ARHGEF33: variants seen among roughly 807,000 people sequenced by gnomAD.
ARHGEF33 encodes the protein Rho guanine nucleotide exchange factor 33, also known as DH and coiled-coil domain-containing protein ENSP00000381780.
ARHGEF33 carries 72 observed loss-of-function variants against 101.9 expected under a neutral mutation model. That is an observed-to-expected ratio of 0.71 (90% CI 0.58 to 0.86). The LOEUF (loss-of-function observed/expected upper bound fraction) is 0.86. Ranked by LOEUF, ARHGEF33 falls within the 40% of genes least tolerant of loss-of-function variation. The pLI is 0.00. For synonymous variants in ARHGEF33, 499 were observed against 442.5 expected (o/e 1.13, Z -1.60); for missense variants, 1,169 against 1,111.3 (o/e 1.05, Z -0.74).
intron 4 of ARHGEF33, among the ~76,000 whole-genome samples, chr2:38,922,270 G>C (rs1049083753): frequency 1.3e-5 from 2 of 152,148 alleles, no homozygotes; most frequent in South Asian, 2.1e-4. Context: ...ACAGAGCTTG[G>C]TGGGGGTTGG....
At chr2:38,896,468 A>G (rs2124977119) in intron 2 of ARHGEF33, among the ~76,000 whole-genome samples, 1 of 152,250 alleles carries the variant, frequency 6.6e-6, no homozygotes, top group Admixed American at 6.5e-5. Context: ...TCTATTTTGG[A>G]TGTCTTTGAT....
chr2:38,944,028 AAGG>A lies in ARHGEF33; in HGVS notation c.919_920+1del, dbSNP rs1667378087. 6.5e-7 allele frequency: 1 copy of A among 1,549,824 alleles called. No individual in the cohort carries two copies. On this transcript the variant is annotated splice_donor_variant and coding_sequence_variant, in exon 10 of 18. Transcript: ENST00000409978. LOFTEE classifies it high-confidence loss of function. The stretch of plus-strand genomic sequence containing the variant: ...ATGGAAAGAGGAATTCCAAAGAGAG[AAGG>A]TATCCATGCACTCATTGCCTTTGCT...
chr2:38,907,626 G>A (rs1186792913), intron 2 of ARHGEF33, among the ~76,000 whole-genome samples: 1 of 152,130 alleles, frequency 6.6e-6, no homozygotes, highest in East Asian at 1.9e-4. Flanking sequence ...CCATGTTAAT[G>A]TACCCCTCTG....
chr2:38,966,228 A>G lies in ARHGEF33; in HGVS notation c.2483+83A>G, dbSNP rs1668049821. 6 of 1,478,194 alleles carry G rather than the reference A, an allele frequency of 4.1e-6. No individual in the cohort carries two copies. In the African/African-American group the frequency reaches 7.1e-5, roughly 17 times the overall value. 91.6% of individuals were successfully genotyped at this position (1,478,194 alleles called of 1,614,324 possible). On this transcript the variant is annotated intron_variant, in intron 17 of 17. Coordinates refer to ENST00000409978, the MANE Select transcript of ARHGEF33 (RefSeq NM_001145451.5). ...GAGGTTTTAACAATAATAAGTATCA[A>G]GTAGCCTGGTCTCACACAACTGCTT...
chr2:38,943,290 A>G (rs1667359939), intron 9 of ARHGEF33, among the ~76,000 whole-genome samples: 1 of 152,082 alleles, frequency 6.6e-6, no homozygotes, highest in African/African-American at 2.4e-5. Flanking sequence ...TCAGTTTCTC[A>G]AGTGGAAGAC....
Position 38,960,459 on chromosome 2 carries a change from C to G in ARHGEF33, c.2154C>G (p.Ala718=). 2.0e-6 allele frequency: 3 copies of G among 1,493,624 alleles called. No homozygotes were observed. The highest frequency in any genetic ancestry group is 2.7e-6 in the Non-Finnish European group (3 of 1,128,086). 92.5% of individuals were successfully genotyped at this position (1,493,624 alleles called of 1,614,324 possible). A position where few individuals can be genotyped will look rare whatever the true frequency, so the allele number is the denominator to read the frequency against. ...AAGAGTTCCCGCGTGCGCCGCCAGC[C>G]GACGGCGTGGCCCCACGCCTCTACA... ...SLKEFPRAPP[A]DGVAPRLYST... The change falls in exon 16 of 18, where the codon GCC becomes GCG. Residue 718 remains alanine, a synonymous_variant. Coordinates refer to ENST00000409978, the MANE Select transcript of ARHGEF33 (RefSeq NM_001145451.5).
intron 11 of ARHGEF33, among the ~76,000 whole-genome samples, chr2:38,952,167 C>G (rs1370513678): frequency 6.6e-6 from 1 of 152,232 alleles, no homozygotes; most frequent in African/African-American, 2.4e-5. Context: ...AATTGGTCTG[C>G]AAGCCAGACT....
intron 2 of ARHGEF33, among the ~76,000 whole-genome samples, chr2:38,916,495 T>C (rs1044690105): frequency 1.3e-5 from 2 of 152,184 alleles, no homozygotes; most frequent in Admixed American, 1.3e-4. Flanking sequence ...GAGAAGAAAG[T>C]TTTCGTCTTA....
At chr2:38,890,960 T>TAC (rs1665982378) in intron 1 of ARHGEF33, among the ~76,000 whole-genome samples, 1 of 140,742 alleles carries the variant, frequency 7.1e-6, no homozygotes, top group Non-Finnish European at 1.5e-5. Context: ...AAGATGACCA[T>TAC]ACTATTGGTT....
intron 4 of ARHGEF33, among the ~76,000 whole-genome samples, chr2:38,926,862 G>A (rs1034898977): frequency 6.6e-6 from 1 of 151,986 alleles, no homozygotes; most frequent in Admixed American, 6.6e-5. Flanking sequence ...TAAGAAGAAT[G>A]TCAGCTTTCC....
intron 11 of ARHGEF33, among the ~76,000 whole-genome samples, 168 bp from the exon 12 acceptor site, chr2:38,952,994 T>G (rs1462041960): frequency 6.6e-6 from 1 of 152,208 alleles, no homozygotes; most frequent in Non-Finnish European, 1.5e-5. Context: ...CCACCGCGCC[T>G]TATCTAAGAT....
intron 4 of ARHGEF33, among the ~76,000 whole-genome samples, chr2:38,924,339 A>G (rs1442805814): frequency 6.6e-6 from 1 of 152,164 alleles, no homozygotes; most frequent in Non-Finnish European, 1.5e-5. Context: ...TCCTTTGTCC[A>G]CTGCACATAC....
At chr2:38,971,211 T>G (rs1668158225) in intron 17 of ARHGEF33, among the ~76,000 whole-genome samples, 1 of 152,224 alleles carries the variant, frequency 6.6e-6, no homozygotes, top group African/African-American at 2.4e-5. Flanking sequence ...AAAGGTTTAT[T>G]TATAGCAAAT....
intron 2 of ARHGEF33, among the ~76,000 whole-genome samples, chr2:38,908,356 A>T (rs1423718179): frequency 6.6e-6 from 1 of 152,226 alleles, no homozygotes; most frequent in Non-Finnish European, 1.5e-5. Context: ...CAAGTATTAA[A>T]ATGAGTCAGA....
At chr2:38,947,509 C>T (rs1667481483) in intron 10 of ARHGEF33, among the ~76,000 whole-genome samples, 1 of 152,240 alleles carries the variant, frequency 6.6e-6, no homozygotes, top group Admixed American at 6.5e-5. Context: ...CCCACCTCAG[C>T]ATCCCCAGCT....
At chr2:38,940,159 T>A (rs565867645) in intron 9 of ARHGEF33, among the ~76,000 whole-genome samples, 97 of 152,364 alleles carry the variant, frequency 6.4e-4, no homozygotes, top group African/African-American at 2.2e-3. Flanking sequence ...GTAATTGACA[T>A]CTTGACAGTA....
rs1266315838 is a variant in ARHGEF33, at chr2:38,911,117, C to T, written c.-85-8246C>T. Among the ~76,000 whole-genome samples the T allele has an allele frequency of 3.9e-5, 6 of 151,952 alleles. No individual in the cohort carries two copies. In the East Asian group the frequency reaches 1.2e-3, roughly 29 times the overall value. On this transcript the variant is annotated intron_variant, in intron 2 of 17. Transcript: ENST00000409978. Reference sequence around the variant, plus strand: ...GCATGAACAAACAGGGTGTTACTGTCACAAAATAATGTTGCTTTTAGGCTC... The same window carrying T: ...GCATGAACAAACAGGGTGTTACTGTTACAAAATAATGTTGCTTTTAGGCTC...
intron 16 of ARHGEF33, 100 bp from the exon 17 acceptor site, chr2:38,965,906 T>C (rs757013179): frequency 5.4e-5 from 76 of 1,416,230 alleles, no homozygotes; most frequent in Non-Finnish European, 6.0e-5. Context: ...TCTTTTGGCA[T>C]GGGAGAGGAA....
chr2:38,942,108 G>C (rs1262030664), intron 9 of ARHGEF33, among the ~76,000 whole-genome samples: 1 of 146,348 alleles, frequency 6.8e-6, no homozygotes, highest in Non-Finnish European at 1.5e-5. Flanking sequence ...CTCTTGGATT[G>C]ATTTCTCAAC....
Sources: allele counts gnomAD v4.1 joint callset (sites outside exome capture counted in the v4.1 genomes callset), GRCh38; gene constraint gnomAD v4.1.1; transcripts MANE v1.5; gene names NCBI Gene and HGNC (gene_info 2026-07-23, HGNC 2026-07-21).